SCN11A: variants seen among roughly 807,000 people sequenced by gnomAD.
The protein encoded by SCN11A is sodium voltage-gated channel alpha subunit 11.
SCN11A carries 122 observed loss-of-function variants against 162.2 expected under a neutral mutation model. The ratio of observed to expected loss-of-function variants is 0.75; its 90% CI spans 0.65 to 0.87. The LOEUF is 0.87. SCN11A is among the 40% of genes least tolerant of loss of function. The pLI, the probability that SCN11A is intolerant of heterozygous loss-of-function variation, is 0.00. For synonymous variants in SCN11A, 758 were observed against 751.5 expected, an observed-to-expected ratio of 1.01 and a Z score of -0.14; for missense variants, 2,015 against 2,181.6, an observed-to-expected ratio of 0.92 and a Z score of 1.52.
chr3:39,049,592 A>G (rs1264357587), intron 1 of SCN11A, among the ~76,000 whole-genome samples: 1 of 152,236 alleles, frequency 6.6e-6, no homozygotes, highest in Admixed American at 6.5e-5. Context: ...GGTATTGGTC[A>G]CTGCTTCTGA....
intron 2 of SCN11A, among the ~76,000 whole-genome samples, chr3:38,987,471 A>G (rs1253171619): frequency 9.9e-5 from 15 of 152,162 alleles, no homozygotes; most frequent in Non-Finnish European, 5.9e-5. Flanking sequence ...CAGTGCCTGA[A>G]CCTTCTTAGG....
At chr3:38,847,893 A>C (rs2064702532) in intron 29 of SCN11A, 151 bp from the exon 30 acceptor site, 2 of 582,746 alleles carry the variant, frequency 3.4e-6, no homozygotes, top group Non-Finnish European at 6.1e-6. Context: ...TACCACTATC[A>C]GGGAAAATAC....
intron 2 of SCN11A, among the ~76,000 whole-genome samples, chr3:39,020,771 T>C (rs998694925): frequency 6.6e-6 from 1 of 152,170 alleles, no homozygotes; most frequent in African/African-American, 2.4e-5. Flanking sequence ...GAACACACAC[T>C]AACACAGATA....
At chr3:38,857,212 G>C (rs1211415817) in intron 28 of SCN11A, among the ~76,000 whole-genome samples, 3 of 151,850 alleles carry the variant, frequency 2.0e-5, no homozygotes, top group Non-Finnish European at 4.4e-5. Flanking sequence ...TAATCAAGGA[G>C]ATACCAAAGA....
chr3:38,906,373 A>C (rs1299003197), intron 14 of SCN11A, among the ~76,000 whole-genome samples: 1 of 152,024 alleles, frequency 6.6e-6, no homozygotes, highest in African/African-American at 2.4e-5. Context: ...TCATTTCTGC[A>C]CATCACGCTG....
intron 1 of SCN11A, among the ~76,000 whole-genome samples, chr3:39,040,416 G>A (rs1436415536): frequency 6.6e-6 from 1 of 152,206 alleles, no homozygotes; most frequent in Non-Finnish European, 1.5e-5. Flanking sequence ...GAAATTGGAA[G>A]AGGTGACTAT....
chr3:38,846,773 G>A lies in SCN11A; in HGVS notation c.5297C>T (p.Pro1766Leu). ...QGDQNDLENG[P>L]HSPLQTLCNG... is the part of the protein sequence containing the mutation. ...GCAAAGAGTCTGGAGTGGTGAATGA[G>A]GCCCGTTTTCCAAGTCATTTTGGTC... is the stretch of plus-strand genomic sequence containing the variant. The change falls in exon 30 of 30, where the codon CCT becomes CTT. Residue 1766 changes from proline (P) to leucine (L), a missense_variant. Coordinates refer to ENST00000302328, the MANE Select transcript of SCN11A (RefSeq NM_001349253.2). 6.2e-7 allele frequency: 1 copy of A among 1,614,084 alleles called. No individual in the cohort carries two copies. The highest frequency in any genetic ancestry group is 8.5e-7 in the Non-Finnish European group (1 of 1,179,996).
intron 28 of SCN11A, among the ~76,000 whole-genome samples, chr3:38,861,661 A>G (rs1217380878): frequency 1.3e-5 from 2 of 152,150 alleles, no homozygotes; most frequent in East Asian, 3.9e-4. Context: ...TATCCCACAA[A>G]TTGTGTTGGG....
At chr3:38,905,115 C>T (rs1339058785) in intron 15 of SCN11A, 77 bp downstream of exon 15, 64 of 1,594,730 alleles carry the variant, frequency 4.0e-5, no homozygotes, top group Non-Finnish European at 5.5e-5. Context: ...CAGAGGGCTT[C>T]TAGGGGATTG....
chr3:38,905,457 C>A, intron 14 of SCN11A, 136 bp from the exon 15 acceptor site: 3 of 892,032 alleles, frequency 3.4e-6, no homozygotes, highest in South Asian at 4.2e-5. Context: ...CTCGTCTTTA[C>A]AGCATGCCAA....
intron 7 of SCN11A, among the ~76,000 whole-genome samples, chr3:38,933,943 TGAAG>T (rs949107329): frequency 5.3e-5 from 8 of 151,972 alleles, no homozygotes; most frequent in African/African-American, 1.9e-4. Context: ...AAAGTTGAAA[TGAAG>T]GAAAAAATGT....
intron 2 of SCN11A, among the ~76,000 whole-genome samples, chr3:39,014,331 T>C (rs2031228708): frequency 6.6e-6 from 1 of 152,222 alleles, no homozygotes; most frequent in Non-Finnish European, 1.5e-5. Context: ...GAATTAGGAC[T>C]TCTAGACCAG....
chr3:38,885,232 A>G (rs1193315565), intron 21 of SCN11A, 56 bp downstream of exon 21: 1 of 1,007,230 alleles, frequency 9.9e-7, no homozygotes, highest in African/African-American at 1.6e-5. Flanking sequence ...TTCAAAGAAG[A>G]ACAGAAACCC....
intron 23 of SCN11A, among the ~76,000 whole-genome samples, chr3:38,878,863 C>G (rs1466782404): frequency 6.6e-6 from 1 of 152,086 alleles, no homozygotes; most frequent in Non-Finnish European, 1.5e-5. Flanking sequence ...ATGGTTTATG[C>G]TCAGATATTT....
chr3:38,857,622 C>A (rs1443517578), intron 28 of SCN11A, among the ~76,000 whole-genome samples: 1 of 151,948 alleles, frequency 6.6e-6, no homozygotes, highest in Non-Finnish European at 1.5e-5. Flanking sequence ...GAAATCTAGA[C>A]AACCAAATAA....
At chr3:38,875,121 C>T (rs11919064) in intron 23 of SCN11A, among the ~76,000 whole-genome samples, 4,120 of 152,238 alleles carry the variant, frequency 0.027, 177 homozygotes, top group African/African-American at 0.09. Context: ...TCAGGTCATA[C>T]AGCTGATAAG....
Position 38,909,048 on chromosome 3 carries a change from G to GAAACAT in SCN11A, c.1247_1248insATGTTT (p.Ala416_Lys417insCysPhe), listed in dbSNP as rs778054805. The GAAACAT allele has an allele frequency of 7.4e-6, 12 of 1,613,666 alleles. No individual in the cohort carries two copies. The South Asian group carries it at 1.3e-4, about 18-fold the overall frequency. On this transcript the variant is annotated inframe_insertion, in exon 13 of 30. Transcript: ENST00000302328. The stretch of plus-strand genomic sequence containing the variant: ...GGGCTTCCTGAAACATCTTTTCCTT[G>GAAACAT]GCCTCTATCTCTGCAGCTACATTCT...
At chr3:38,978,027 A>G (rs1202119808) in intron 2 of SCN11A, among the ~76,000 whole-genome samples, 1 of 152,218 alleles carries the variant, frequency 6.6e-6, no homozygotes, top group African/African-American at 2.4e-5. Context: ...TGATGTGCCA[A>G]GCACTGTTGG....
At chr3:38,885,734 A>G (rs1164426184) in intron 20 of SCN11A, among the ~76,000 whole-genome samples, 1 of 152,224 alleles carries the variant, frequency 6.6e-6, no homozygotes, top group Non-Finnish European at 1.5e-5. Flanking sequence ...AGGCTACTTT[A>G]CTGAGACTAT....
Sources: gnomAD v4.1 joint callset for allele counts (sites outside exome capture counted in the v4.1 genomes callset) on GRCh38, gnomAD v4.1.1 for gene constraint, MANE v1.5 for transcripts, NCBI Gene and HGNC (gene_info 2026-07-23, HGNC 2026-07-21) for gene names.